TRPM5: variants seen among roughly 807,000 people sequenced by gnomAD.
The protein encoded by TRPM5 is MLSN1 and TRP-related.
A neutral mutation model predicts 124.9 loss-of-function variants in TRPM5; 121 were observed. The observed-to-expected ratio is 0.97, with a 90% CI of 0.84 to 1.13. The LOEUF is 1.13. Ranked by LOEUF, TRPM5 falls within the 50% of genes most tolerant of loss-of-function variation. TRPM5 has a pLI of 0.00. For missense variants in TRPM5, 1,643 were observed against 1,589.1 expected, an observed-to-expected ratio of 1.03 and a Z score of -0.58; for synonymous variants, 781 against 700.5, an observed-to-expected ratio of 1.11 and a Z score of -1.81.
At chr11:2,414,017 A>ACCAC in intron 12 of TRPM5, 44 bp downstream of exon 17, 1 of 357,910 alleles carries the variant, frequency 2.8e-6, no homozygotes, top group Non-Finnish European at 5.0e-6. Flanking sequence ...TCGCCCGCCC[A>ACCAC]CCCCACCCCC....
In TRPM5 at chr11:2,420,880, GCCA is replaced by G; in HGVS notation, c.465+149_465+151del. The G allele has an allele frequency of 5.6e-6, 5 of 900,148 alleles. 1 individual carries two copies. The South Asian group carries it at 9.0e-5, about 16-fold the overall frequency. 55.8% of individuals were successfully genotyped at this position (900,148 alleles called of 1,614,324 possible). A position where few individuals can be genotyped will look rare whatever the true frequency, so the allele number is the denominator to read the frequency against. ...CGCTGGCCGTTCCCTATGCGGTACT[GCCA>G]CCTGCCGGCCGTGTGCTGGCTCTGC... On this transcript the variant is annotated intron_variant, in intron 3 of 23. Coordinates refer to ENST00000155858, the Ensembl canonical transcript of TRPM5.
the TRPM5 span, among the ~76,000 whole-genome samples, chr11:2,442,392 C>T: frequency 7.0e-6 from 1 of 143,038 alleles, no homozygotes; most frequent in Non-Finnish European, 1.5e-5. The surrounding 1 kb of genome is among the most constrained non-coding windows in gnomAD (Gnocchi z 5.9). Context: ...CACACACACA[C>T]ACACACACAC....
At chr11:2,407,163 C>G in exon 20 of TRPM5, 1 of 1,610,256 alleles carries the variant, frequency 6.2e-7, no homozygotes, top group Non-Finnish European at 8.5e-7. Flanking sequence ...GAAGACCCGG[C>G]GGAGCGTCAG....
At position 2,415,246 on chromosome 11, in the gene TRPM5, G is replaced by A. The variant is rs369608106; in HGVS notation, c.1354C>T (p.Arg452Trp). The change falls in exon 9 of 24, where the codon CGG becomes TGG. Residue 452 changes from arginine (R) to tryptophan (W), a missense_variant. Physicochemically the swap from Arg to Trp is moderately radical, Grantham distance 101. Transcript: ENST00000155858. ...GCCGGTGGCCCCGCGGGTGGCTCCC[G>A]GGCCTGCTGGGTGCCCAGGCCGGCC... 6.1e-5 allele frequency: 95 copies of A among 1,569,902 alleles called. No individual in the cohort carries two copies. Among genetic ancestry groups the A allele is most frequent in the East Asian group, 5.6e-4 (24 of 42,768 alleles).
At chr11:2,405,461 C>G (rs891688821) in intron 23 of TRPM5, 66 bp downstream of exon 28, 9 of 1,480,046 alleles carry the variant, frequency 6.1e-6, no homozygotes, top group Non-Finnish European at 8.3e-6. Flanking sequence ...CAGCCTACGG[C>G]CCCCCAGCCG....
chr11:2,438,981 CAT>C, the TRPM5 span, among the ~76,000 whole-genome samples: 1 of 152,170 alleles, frequency 6.6e-6, no homozygotes, highest in Non-Finnish European at 1.5e-5. The surrounding 1 kb of genome is among the most constrained non-coding windows in gnomAD (Gnocchi z 5.9). Context: ...AAAATAGACA[CAT>C]AGACCAATGG....
chr11:2,407,165 G>A lies in TRPM5; in HGVS notation c.3072C>T (p.Leu1024=), dbSNP rs1306228156. The change falls in exon 20 of 24, where the codon CTC becomes CTT. Residue 1024 remains leucine (L), a synonymous_variant. Transcript: ENST00000155858. ...CAGCCTCCTTCTTGAAGACCCGGCGGAGCGTCAGGCTCAGGTGGCTGAGCA... is the reference window on the plus strand; with the variant it reads ...CAGCCTCCTTCTTGAAGACCCGGCGAAGCGTCAGGCTCAGGTGGCTGAGCA... 3 of 1,611,034 alleles carry A rather than the reference G, an allele frequency of 1.9e-6. No homozygotes were observed. In the East Asian group the frequency reaches 6.7e-5, roughly 36 times the overall value.
Position 2,413,501 on chromosome 11 carries a change from C to T in TRPM5, c.1978G>A (p.Val660Ile), listed in dbSNP as rs149949624. Residue 660 changes from valine (V) to isoleucine (I), a missense_variant, in exon 13 of 24, where the codon GTC (valine) becomes ATC (isoleucine). Coordinates refer to ENST00000155858, the Ensembl canonical transcript of TRPM5. Reference sequence around the variant, plus strand: ...CTGAAGGTGATGAGGTTGGTATAGACGAGGGCGGGGCAGAGGAAGGCTCCT... The same window carrying T: ...CTGAAGGTGATGAGGTTGGTATAGATGAGGGCGGGGCAGAGGAAGGCTCCT... The T allele has an allele frequency of 4.8e-5, 78 of 1,611,928 alleles. No individual in the cohort carries two copies. The Middle Eastern group carries it at 6.6e-4, about 14-fold the overall frequency.
the TRPM5 span, among the ~76,000 whole-genome samples, chr11:2,429,365 G>A: frequency 5.9e-5 from 9 of 151,678 alleles, no homozygotes; most frequent in Non-Finnish European, 1.2e-4. This position sits in a 1 kb window ranked among gnomAD's most constrained non-coding sequence, Gnocchi z 8.4. Flanking sequence ...GATGATGGTG[G>A]TGGTGATGAT....
At chr11:2,424,190 C>G (rs1485184622), upstream of TRPM5, among the ~76,000 whole-genome samples, 1 of 152,238 alleles carries the variant, frequency 6.6e-6, no homozygotes, top group African/African-American at 2.4e-5. Flanking sequence ...CCACAGAAGC[C>G]CTTTGTGAGA....
At chr11:2,414,331 C>A (rs1850521202) in intron 11 of TRPM5, 125 bp from the exon 17 acceptor site, 5 of 1,347,062 alleles carry the variant, frequency 3.7e-6, no homozygotes, top group Non-Finnish European at 4.0e-6. Flanking sequence ...ACACGCAGGG[C>A]CCAGCCAGGC....
chr11:2,418,691 C>G (rs886280), intron 4 of TRPM5, 100 bp from the exon 10 acceptor site: 1 of 1,236,438 alleles, frequency 8.1e-7, no homozygotes, highest in East Asian at 2.5e-5. Flanking sequence ...CAAAAGCTGG[C>G]TCTTCCGAAT....
At chr11:2,405,672 TCTC>T in intron 22 of TRPM5, 79 bp from the exon 28 acceptor site, 1 of 1,454,602 alleles carries the variant, frequency 6.9e-7, no homozygotes, top group Non-Finnish European at 9.4e-7. Context: ...CCATCTCCCC[TCTC>T]CTGCCAGGGC....
Position 2,406,651 on chromosome 11 carries a change from G to GC in TRPM5, c.3251+9dup. 6.2e-7 allele frequency: 1 copy of GC among 1,601,202 alleles called. No individual in the cohort carries two copies. Among genetic ancestry groups the GC allele is most frequent in the Non-Finnish European group, 8.5e-7 (1 of 1,173,626 alleles). ...CGATACCCACCAGTGATCAGGACAG[G>GC]CCCCCGCACCTGTGGGCGGTTTTCC... On this transcript the variant is annotated intron_variant, in intron 21 of 23. Coordinates refer to ENST00000155858, the Ensembl canonical transcript of TRPM5.
chr11:2,422,639 C>T (rs1011474353), intron 1 of TRPM5, among the ~76,000 whole-genome samples: 1 of 151,436 alleles, frequency 6.6e-6, no homozygotes, highest in Non-Finnish European at 1.5e-5. Context: ...GAGCCGAGGG[C>T]GCTGGACAGA....
At chr11:2,417,162 C>T (rs528563578) in intron 7 of TRPM5, among the ~76,000 whole-genome samples, 3 of 152,278 alleles carry the variant, frequency 2.0e-5, no homozygotes, top group Admixed American at 6.5e-5. Flanking sequence ...TACTAAAAAC[C>T]ACTGAATTGG....
At chr11:2,424,347 T>G (rs920915270), upstream of TRPM5, among the ~76,000 whole-genome samples, 5 of 152,214 alleles carry the variant, frequency 3.3e-5, no homozygotes, top group African/African-American at 9.6e-5. Context: ...GGGCAGAGGC[T>G]AAGGCCAAGG....
intron 7 of TRPM5, among the ~76,000 whole-genome samples, chr11:2,416,852 TG>T (rs1775349633): frequency 6.6e-6 from 1 of 152,102 alleles, no homozygotes; most frequent in Admixed American, 6.5e-5. Context: ...CATCAGCGGG[TG>T]AACAGACGCA....
At chr11:2,434,353 G>A in the TRPM5 span, among the ~76,000 whole-genome samples, 1 of 151,602 alleles carries the variant, frequency 6.6e-6, no homozygotes, top group African/African-American at 2.4e-5. Flanking sequence ...GTGTGAATGT[G>A]TGTAGGTACA....
Sources: gnomAD v4.1 joint callset for allele counts (sites outside exome capture counted in the v4.1 genomes callset) on GRCh38, gnomAD v4.1.1 for gene constraint, Gnocchi (gnomAD v3.1) non-coding constraint, MANE v1.5 for transcripts, NCBI Gene and HGNC (gene_info 2026-07-23, HGNC 2026-07-21) for gene names.